Variants in CNTN5 observed in about 807,000 individuals in gnomAD.
The protein encoded by CNTN5 is contactin-5.
Under a neutral mutation model 129.1 loss-of-function variants are expected in CNTN5, and 77 were observed. The observed-to-expected ratio is 0.60, with a 90% CI of 0.50 to 0.72. The LOEUF (loss-of-function observed/expected upper bound fraction) is 0.72. CNTN5 is among the 30% of genes least tolerant of loss of function. CNTN5 has a pLI of 0.00. For synonymous variants in CNTN5, 509 were observed against 465.6 expected (o/e 1.09, Z -1.20); for missense variants, 1,478 against 1,328.8 (o/e 1.11, Z -1.75).
intron 3 of CNTN5, among the ~76,000 whole-genome samples, chr11:99,779,001 C>T (rs1294418350): frequency 6.6e-6 from 1 of 151,604 alleles, no homozygotes; most frequent in African/African-American, 2.4e-5. Flanking sequence ...TTATTTTAAA[C>T]ACAACAATAC....
intron 3 of CNTN5, among the ~76,000 whole-genome samples, chr11:99,702,860 G>C (rs1954582321): frequency 6.6e-6 from 1 of 150,896 alleles, no homozygotes; most frequent in Admixed American, 6.6e-5. Context: ...CTCCAGGAAA[G>C]AAGAAATACT....
chr11:99,337,283 A>G (rs1411253392), intron 2 of CNTN5, among the ~76,000 whole-genome samples: 1 of 152,172 alleles, frequency 6.6e-6, no homozygotes, highest in African/African-American at 2.4e-5. Flanking sequence ...CAGCAGCGCT[A>G]GAGGAATTAA....
intron 1 of CNTN5, among the ~76,000 whole-genome samples, chr11:99,222,673 T>A (rs1169273967): frequency 6.6e-6 from 1 of 152,284 alleles, no homozygotes; most frequent in East Asian, 1.9e-4. Context: ...TGTATTAAAT[T>A]TATGGCCCAC....
chr11:99,257,354 T>C (rs1258478778), intron 1 of CNTN5, among the ~76,000 whole-genome samples: 1 of 152,122 alleles, frequency 6.6e-6, no homozygotes, highest in African/African-American at 2.4e-5. Context: ...AACCTCACTG[T>C]AGACTGGTGG....
At chr11:99,443,446 T>C (rs1172076697) in intron 2 of CNTN5, among the ~76,000 whole-genome samples, 1 of 152,224 alleles carries the variant, frequency 6.6e-6, no homozygotes, top group Non-Finnish European at 1.5e-5. Flanking sequence ...GTGTACATTT[T>C]CATGGTGTTT....
intron 2 of CNTN5, among the ~76,000 whole-genome samples, chr11:99,443,200 C>A (rs1943911445): frequency 6.6e-6 from 1 of 152,086 alleles, no homozygotes; most frequent in Admixed American, 6.6e-5. Context: ...TCTGGATCTA[C>A]CTATCAAAAT....
chr11:99,506,620 C>T (rs1477557560), intron 2 of CNTN5, among the ~76,000 whole-genome samples: 4 of 151,842 alleles, frequency 2.6e-5, no homozygotes, highest in African/African-American at 9.7e-5. Context: ...TTTTTCTCTT[C>T]TAAATTTACT....
chr11:99,827,877 T>C (rs1190426505), intron 4 of CNTN5, among the ~76,000 whole-genome samples: 1 of 152,128 alleles, frequency 6.6e-6, no homozygotes, highest in Non-Finnish European at 1.5e-5. Flanking sequence ...GTCAATAACA[T>C]ATGTAGAATA....
chr11:100,250,332 C>A (rs1949938308), intron 16 of CNTN5, among the ~76,000 whole-genome samples: 1 of 152,030 alleles, frequency 6.6e-6, no homozygotes, highest in Non-Finnish European at 1.5e-5. Context: ...ATACAACATT[C>A]CACACTCAAA....
intron 6 of CNTN5, among the ~76,000 whole-genome samples, chr11:99,851,130 C>T (rs1247438902): frequency 2.4e-5 from 1 of 41,328 alleles, no homozygotes; most frequent in Non-Finnish European, 4.5e-5. Context: ...TGAGGAACTT[C>T]ATTTTAAATT....
At chr11:99,478,176 T>G (rs1208157363) in intron 2 of CNTN5, among the ~76,000 whole-genome samples, 2 of 152,160 alleles carry the variant, frequency 1.3e-5, no homozygotes, top group Non-Finnish European at 2.9e-5. Context: ...GGCTGGGCTG[T>G]GCCTTCCTCC....
chr11:99,238,088 G>T (rs1013020781), intron 1 of CNTN5, among the ~76,000 whole-genome samples: 1 of 152,084 alleles, frequency 6.6e-6, no homozygotes, highest in South Asian at 2.1e-4. Flanking sequence ...TTTGTATACA[G>T]AAATCATATA....
intron 2 of CNTN5, among the ~76,000 whole-genome samples, chr11:99,451,968 G>A (rs1054575145): frequency 1.3e-5 from 2 of 152,020 alleles, no homozygotes; most frequent in Admixed American, 6.6e-5. Context: ...TTATTTGTTC[G>A]CAGAAATTGC....
chr11:99,671,465 G>T (rs893092131), intron 3 of CNTN5, among the ~76,000 whole-genome samples: 2 of 152,100 alleles, frequency 1.3e-5, no homozygotes, highest in Non-Finnish European at 2.9e-5. Context: ...GCATGTGTGC[G>T]TGTGTGTGTA....
intron 17 of CNTN5, among the ~76,000 whole-genome samples, chr11:100,268,046 G>T (rs545476411): frequency 1.3e-5 from 2 of 152,142 alleles, no homozygotes. Context: ...GAGAGAAAAA[G>T]AATTCAAGGA....
At chr11:100,165,110 T>C (rs1290661309) in intron 13 of CNTN5, among the ~76,000 whole-genome samples, 3 of 151,740 alleles carry the variant, frequency 2.0e-5, no homozygotes, top group Non-Finnish European at 4.4e-5. Context: ...GGGTCAGGAC[T>C]AGATGGGTGG....
intron 9 of CNTN5, among the ~76,000 whole-genome samples, chr11:100,035,817 TG>T (rs1297205669): frequency 3.9e-5 from 6 of 152,072 alleles, no homozygotes; most frequent in Non-Finnish European, 8.8e-5. Flanking sequence ...TTGATGGGGT[TG>T]TTTTTTTCTT....
In CNTN5 at chr11:99,875,268, C is replaced by T. The variant is rs577066974; in HGVS notation, c.577+30006C>T. ...CGTGAATCTCAGAAAAATAATACTT[C>T]GATCAGTGAAAAGTAATTACTGAGA... On this transcript the variant is annotated intron_variant, in intron 6 of 24. Transcript: ENST00000524871. Among the ~76,000 whole-genome samples, 25 of 152,098 alleles carry T rather than the reference C, an allele frequency of 1.6e-4. 1 individual carries two copies. In the South Asian group the frequency reaches 3.1e-3, roughly 19 times the overall value.
chr11:99,523,776 T>C (rs975509146), intron 2 of CNTN5, among the ~76,000 whole-genome samples: 5 of 152,026 alleles, frequency 3.3e-5, no homozygotes, highest in Non-Finnish European at 5.9e-5. Context: ...CCAGCACATA[T>C]CTAGGAAGCG....
Sources: allele counts gnomAD v4.1 joint callset (sites outside exome capture counted in the v4.1 genomes callset), GRCh38; gene constraint gnomAD v4.1.1; transcripts MANE v1.5; gene names NCBI Gene and HGNC (gene_info 2026-07-23, HGNC 2026-07-21).